The following URGCP variants were observed in gnomAD, a reference collection of about 807,000 sequenced individuals.
URGCP encodes the protein upregulator of cell proliferation, also known as up-regulator of cell proliferation.
In URGCP, 13 loss-of-function variants were observed where a neutral mutation model predicts 24.6. The ratio of observed to expected loss-of-function variants is 0.53; its 90% CI spans 0.34 to 0.84. The LOEUF is 0.84. Among genes scored for constraint, URGCP ranks in the 40% least tolerant of loss-of-function variants. The pLI is 0.01. For missense variants in URGCP, 899 were observed against 1,194.3 expected, an observed-to-expected ratio of 0.75 and a Z score of 3.64; for synonymous variants, 444 against 487.2, an observed-to-expected ratio of 0.91 and a Z score of 1.17.
rs139278100 is a variant in URGCP, at chr7:43,897,203, AAAAT to A, written c.14+9355_14+9358del. 3.1e-3 allele frequency among the ~76,000 whole-genome samples: 474 copies of A among 151,632 alleles called. 1 individual carries two copies. The highest frequency in any genetic ancestry group is 4.7e-3 in the Non-Finnish European group (321 of 67,816). On this transcript the variant is annotated intron_variant, in intron 1 of 5. Transcript: ENST00000453200. ...GGGCAACAGAATGAGACTCTGTCTC[AAAAT>A]AAATAAATAAATAAATAAATAAAAA...
chr7:43,926,690 A>C, upstream of URGCP: 1 of 921,646 alleles, frequency 1.1e-6, no homozygotes, highest in Non-Finnish European at 1.5e-6. Context: ...AGGAGGCAGA[A>C]CAGCCTCCCG....
chr7:43,880,254 A>C (rs1219188558), intron 5 of URGCP, among the ~76,000 whole-genome samples: 1 of 152,166 alleles, frequency 6.6e-6, no homozygotes. Flanking sequence ...AATGTATTAA[A>C]ATATTCAGTG....
upstream of URGCP, chr7:43,906,685 T>C (rs1585832454): frequency 3.1e-6 from 3 of 982,556 alleles, no homozygotes; most frequent in Non-Finnish European, 3.6e-6. Flanking sequence ...CGGGACGCGC[T>C]CCAGGGGTGG....
At chr7:43,922,936 T>TTCTTTCCTTCTCTCTTTCTCTC (rs2095924215) in intron 1 of URGCP, among the ~76,000 whole-genome samples, 4 of 151,754 alleles carry the variant, frequency 2.6e-5, no homozygotes, top group Non-Finnish European at 5.9e-5. Flanking sequence ...CTTTCTTTCT[T>TTCTTTCCTTCTCTCTTTCTCTC]TCTTTCCTTC....
At position 43,887,839 on chromosome 7, in the gene URGCP, G is replaced by C. The variant is rs1414505056; in HGVS notation, c.15-23C>G. 4 of 1,473,508 alleles carry C rather than the reference G, an allele frequency of 2.7e-6. 1 individual carries two copies. In the South Asian group the frequency reaches 5.0e-5, roughly 18 times the overall value. 91.3% of individuals were successfully genotyped at this position (1,473,508 alleles called of 1,614,324 possible). ...ATCCTAAGGAAATAATTAAGATTTA[G>C]TTACAAAGATGTTGATGCCAGCTTT... On this transcript the variant is annotated intron_variant, in intron 1 of 5. Transcript: ENST00000453200.
intron 1 of URGCP, among the ~76,000 whole-genome samples, chr7:43,896,681 GGA>G (rs2095878989): frequency 6.6e-6 from 1 of 152,050 alleles, no homozygotes; most frequent in African/African-American, 2.4e-5. Context: ...CCATTAAGTT[GGA>G]GAGAGAGGGG....
upstream of URGCP, among the ~76,000 whole-genome samples, chr7:43,908,150 T>G (rs1346907794): frequency 2.0e-5 from 3 of 152,200 alleles, no homozygotes; most frequent in Admixed American, 2.0e-4. Context: ...GGCGAGATCT[T>G]GGCTCACTGC....
In URGCP at chr7:43,876,990, C is replaced by T. The variant is rs2095845622; in HGVS notation, c.2473G>A (p.Val825Ile). Reference sequence around the variant, plus strand: ...CTGGGCCTAGGGCCGGGAACAGATACATCATGAAGGTTCTGGTATACAAAC... The same window carrying T: ...CTGGGCCTAGGGCCGGGAACAGATATATCATGAAGGTTCTGGTATACAAAC... ...YQFVYQNLHD[V>I]SVPGPRPRDK... The change falls in exon 6 of 6, where the codon GTA becomes ATA. Residue 825 changes from valine (V) to isoleucine (I), a missense_variant. Coordinates refer to ENST00000453200, the MANE Select transcript of URGCP (RefSeq NM_001077663.3). 4.3e-6 allele frequency: 7 copies of T among 1,614,224 alleles called. No homozygotes were observed. Among genetic ancestry groups the T allele is most frequent in the Non-Finnish European group, 5.9e-6 (7 of 1,180,044 alleles).
intron 1 of URGCP, among the ~76,000 whole-genome samples, chr7:43,901,710 T>C (rs1471640076): frequency 6.6e-6 from 1 of 152,154 alleles, no homozygotes; most frequent in African/African-American, 2.4e-5. Flanking sequence ...TCACCCAGTG[T>C]AGAGGGCCTG....
At chr7:43,883,360 A>ATTTTTTTTTTT (rs1379068898) in intron 3 of URGCP, among the ~76,000 whole-genome samples, 1 of 98,282 alleles carries the variant, frequency 1.0e-5, no homozygotes, top group African/African-American at 5.3e-5. Context: ...ATATATATAT[A>ATTTTTTTTTTT]TATTTTTTTT....
intron 1 of URGCP, among the ~76,000 whole-genome samples, chr7:43,921,361 A>G (rs1175987296): frequency 6.6e-6 from 1 of 152,176 alleles, no homozygotes; most frequent in African/African-American, 2.4e-5. Flanking sequence ...AGGTCTAATT[A>G]ACTGGCCTAA....
At position 43,877,205 on chromosome 7, in the gene URGCP, G is replaced by A. The variant is rs750042455; in HGVS notation, c.2258C>T (p.Ser753Phe). Residue 753 changes from serine to phenylalanine, a missense_variant, in exon 6 of 6, where the codon TCC (serine) becomes TTC (phenylalanine). Physicochemically the swap from Ser to Phe is radical, Grantham distance 155. Transcript: ENST00000453200. ...CAAGGCCCCACCTATCAAGCCCCCG[G>A]AGTCTATCACCAGGATGTGGTCACA... ...LGCDHILVID[S>F]GGLIGGALTS... 1 of 1,614,106 alleles carries A rather than the reference G, an allele frequency of 6.2e-7. No homozygotes were observed. The highest frequency in any genetic ancestry group is 8.5e-7 in the Non-Finnish European group (1 of 1,180,016).
chr7:43,876,502 T>A lies in URGCP; in HGVS notation c.*165A>T. 1 of 724,940 alleles carries A rather than the reference T, an allele frequency of 1.4e-6. No individual in the cohort carries two copies. The highest frequency in any genetic ancestry group is 2.3e-6 in the Non-Finnish European group (1 of 444,154). The allele number at this position is 724,940 out of a possible 1,614,324, so 44.9% of individuals were successfully genotyped here. ...GCTGGTCTGTGAGGTCACTTCCTCTTTTAACACTGTTGAGGAGACTCCAAA... is the reference window on the plus strand; with the variant it reads ...GCTGGTCTGTGAGGTCACTTCCTCTATTAACACTGTTGAGGAGACTCCAAA... On this transcript the variant is annotated 3_prime_UTR_variant, in exon 6 of 6. Transcript: ENST00000453200.
chr7:43,907,847 T>G (rs969562002), upstream of URGCP, among the ~76,000 whole-genome samples: 1 of 152,258 alleles, frequency 6.6e-6, no homozygotes, highest in Admixed American at 6.5e-5. Flanking sequence ...TCAATGTTTC[T>G]GAGCCTCCTT....
At chr7:43,919,396 C>T (rs1320266563) in intron 1 of URGCP, 2 of 866,400 alleles carry the variant, frequency 2.3e-6, no homozygotes, top group Non-Finnish European at 4.0e-6. Flanking sequence ...CAGCTGGTGT[C>T]CACCATCATC....
intron 5 of URGCP, chr7:43,879,749 G>A (rs2095851075): frequency 6.5e-6 from 1 of 153,076 alleles, no homozygotes; most frequent in African/African-American, 2.4e-5. Context: ...ATCACTCTCT[G>A]GCTTTCTAGT....
Position 43,918,876 on chromosome 7 carries a change from A to G in URGCP, c.-116+7256T>C, listed in dbSNP as rs535717997. ...CTACCAGGCAGACGATGAGCACTAC[A>G]TCCCCCGGGCTGTGCTGCTGGACCT... On this transcript the variant is annotated intron_variant, in intron 1 of 5. Transcript: ENST00000426198. 3.6e-6 allele frequency: 5 copies of G among 1,404,590 alleles called. 1 individual carries two copies. The South Asian group carries it at 5.7e-5, about 16-fold the overall frequency. 87.0% of individuals were successfully genotyped at this position (1,404,590 alleles called of 1,614,324 possible). A position where few individuals can be genotyped will look rare whatever the true frequency, so the allele number is the denominator to read the frequency against.
upstream of URGCP, chr7:43,926,425 A>C: frequency 2.9e-6 from 3 of 1,032,402 alleles, no homozygotes; most frequent in Non-Finnish European, 3.7e-6. Flanking sequence ...CCGCGCGCGC[A>C]AGCGCAGGCT....
rs538245302 is a variant in URGCP at position 43,885,927 on chromosome 7, T to C, written c.112+1488A>G. Among the ~76,000 whole-genome samples, 14 of 152,320 alleles carry C rather than the reference T, an allele frequency of 9.2e-5. No homozygotes were observed. In the East Asian group the frequency reaches 2.5e-3, roughly 27 times the overall value. On this transcript the variant is annotated intron_variant, in intron 3 of 5. Coordinates refer to ENST00000453200, the MANE Select transcript of URGCP (RefSeq NM_001077663.3). ...TGGCTACTGTGTTGAATAGCATAAT[T>C]CTAGATGTGGAGAAACTAAAGGGCT...
Sources: allele counts gnomAD v4.1 joint callset (sites outside exome capture counted in the v4.1 genomes callset), GRCh38; gene constraint gnomAD v4.1.1; transcripts MANE v1.5; gene names NCBI Gene and HGNC (gene_info 2026-07-23, HGNC 2026-07-21).